The following COL4A5 variants were observed in gnomAD, a reference collection of about 807,000 sequenced individuals.
The protein encoded by COL4A5 is collagen alpha-5(IV) chain.
A neutral mutation model predicts 130.2 loss-of-function variants in COL4A5; 26 were observed. The ratio of observed to expected loss-of-function variants is 0.20; its 90% CI spans 0.15 to 0.28. The LOEUF is 0.28. Ranked by LOEUF, COL4A5 falls within the 10% of genes least tolerant of loss-of-function variation. COL4A5 has a pLI of 1.00. For synonymous variants in COL4A5, 496 were observed against 439.6 expected, an observed-to-expected ratio of 1.13 and a Z score of -1.60; for missense variants, 1,131 against 1,344.3, an observed-to-expected ratio of 0.84 and a Z score of 2.48.
At chrX:108,529,793 C>G (rs1454177473) in intron 1 of COL4A5, among the ~76,000 whole-genome samples, 1 of 107,623 alleles carries the variant, frequency 9.3e-6, no homozygotes, top group East Asian at 2.9e-4. Flanking sequence ...AAGTCAAGAA[C>G]AGTTAAAAAA....
In COL4A5 at chrX:108,696,491, A is replaced by AAT; in HGVS notation, c.*113_*114insAT. On this transcript the variant is annotated 3_prime_UTR_variant, in exon 53 of 53. Transcript: ENST00000328300. ...TACTACTGCTGCCGTCAATGGTGCT[A>AAT]CTATATATGATCAAGATAACATGCT... 5 of 536,155 alleles carry AAT rather than the reference A, an allele frequency of 9.3e-6. No homozygotes were observed. In the South Asian group the frequency reaches 1.5e-4, roughly 16 times the overall value. The allele number at this position is 536,155 out of a possible 1,213,427, so 44.2% of individuals were successfully genotyped here. A position where few individuals can be genotyped will look rare whatever the true frequency, so the allele number is the denominator to read the frequency against.
intron 37 of COL4A5, among the ~76,000 whole-genome samples, chrX:108,661,543 CT>C (rs2067957454): frequency 9.0e-6 from 1 of 111,658 alleles, no homozygotes; most frequent in African/African-American, 3.2e-5. Flanking sequence ...ATCTTTTCAG[CT>C]TATTCCAAAT....
intron 25 of COL4A5, among the ~76,000 whole-genome samples, chrX:108,599,506 A>G (rs140261838): frequency 2.9e-3 from 318 of 109,939 alleles, no homozygotes; most frequent in African/African-American, 0.01. Context: ...TTCTATGGTT[A>G]ATGGTTAATT....
At chrX:108,499,220 C>G (rs189298259) in intron 1 of COL4A5, among the ~76,000 whole-genome samples, 1 of 111,335 alleles carries the variant, frequency 9.0e-6, no homozygotes, top group East Asian at 2.8e-4. Context: ...GAATTTTGTT[C>G]AATGATCATA....
chrX:108,686,207 T>C, intron 48 of COL4A5, 78 bp downstream of exon 48: 1 of 762,098 alleles, frequency 1.3e-6, no homozygotes, highest in Non-Finnish European at 2.0e-6. Flanking sequence ...GGCCTCCACT[T>C]AGAGCTGTGA....
Position 108,475,566 on chromosome X carries a change from A to G in COL4A5, c.81+35360A>G, listed in dbSNP as rs778282833. Among the ~76,000 whole-genome samples, 48 of 111,443 alleles carry G rather than the reference A, an allele frequency of 4.3e-4. 1 individual carries two copies. Among genetic ancestry groups the G allele is most frequent in the Admixed American group, 2.8e-3 (29 of 10,402 alleles). Reference sequence around the variant, plus strand: ...TCAGTCTGTTACCATTAAATGTGATATTATCTCAGTGGTTCTCAATGAGTG... The same window carrying G: ...TCAGTCTGTTACCATTAAATGTGATGTTATCTCAGTGGTTCTCAATGAGTG... On this transcript the variant is annotated intron_variant, in intron 1 of 52. Coordinates refer to ENST00000328300, the MANE Select transcript of COL4A5 (RefSeq NM_033380.3).
rs769995653 is a variant in COL4A5, at chrX:108,571,408, T to C, written c.385-5T>C. 1 of 1,192,502 alleles carries C rather than the reference T, an allele frequency of 8.4e-7. No individual in the cohort carries two copies. Among genetic ancestry groups the C allele is most frequent in the South Asian group, 1.8e-5 (1 of 56,492 alleles). ...TCCATGCTCTTTATTTTTAACTCCTTCTAGGGAGAACGTGGATTTCCAGGC... is the reference window on the plus strand; with the variant it reads ...TCCATGCTCTTTATTTTTAACTCCTCCTAGGGAGAACGTGGATTTCCAGGC... On this transcript the variant is annotated splice_region_variant and splice_polypyrimidine_tract_variant and intron_variant, in intron 6 of 52. Coordinates refer to ENST00000328300, the MANE Select transcript of COL4A5 (RefSeq NM_033380.3).
chrX:108,624,263 G>C lies in COL4A5; in HGVS notation c.2945G>C (p.Gly982Ala). ...ATACCTGGAGTTTCAGGGCCAAAAG[G>C]TTATCAGGGTTTGCCTGGAGACCCA... ...PGIPGVSGPK[G>A]YQGLPGDPGQ... The change falls in exon 34 of 53, where the codon GGT becomes GCT. Residue 982 changes from glycine (G) to alanine (A), a missense_variant. Gly to Ala is a moderately conservative substitution (Grantham distance 60, BLOSUM62 0). Transcript: ENST00000328300. 1 of 1,210,764 alleles carries C rather than the reference G, an allele frequency of 8.3e-7. No homozygotes were observed. Among genetic ancestry groups the C allele is most frequent in the Non-Finnish European group, 1.1e-6 (1 of 894,794 alleles).
chrX:108,526,636 CT>C (rs1320987146), intron 1 of COL4A5, among the ~76,000 whole-genome samples: 128 of 56,405 alleles, frequency 2.3e-3, no homozygotes, highest in African/African-American at 0.011. Context: ...TTCTTTCTTT[CT>C]TTCTTTCTTT....
intron 1 of COL4A5, among the ~76,000 whole-genome samples, chrX:108,481,541 A>G (rs755008817): frequency 2.1e-4 from 23 of 111,919 alleles, no homozygotes; most frequent in African/African-American, 6.5e-4. Context: ...TAGGCTTCCT[A>G]TCAGTTTCGC....
chrX:108,458,556 A>G (rs183377451), intron 1 of COL4A5, among the ~76,000 whole-genome samples: 12 of 111,480 alleles, frequency 1.1e-4, no homozygotes, highest in African/African-American at 3.9e-4. Context: ...TACCTTGGCA[A>G]TTTGTACAAG....
chrX:108,512,425 T>G (rs1000212766), intron 1 of COL4A5, among the ~76,000 whole-genome samples: 1 of 112,593 alleles, frequency 8.9e-6, no homozygotes, highest in Non-Finnish European at 1.9e-5. Context: ...TATGTAAGAC[T>G]TTCACTCAGT....
At chrX:108,543,246 G>A (rs1212649565) in intron 2 of COL4A5, among the ~76,000 whole-genome samples, 2 of 111,490 alleles carry the variant, frequency 1.8e-5, no homozygotes, top group South Asian at 3.8e-4. Flanking sequence ...TTTAGATCTA[G>A]CATTTAAGTC....
intron 36 of COL4A5, among the ~76,000 whole-genome samples, chrX:108,648,976 G>C (rs937367880): frequency 2.7e-5 from 3 of 110,696 alleles, no homozygotes; most frequent in African/African-American, 9.9e-5. Context: ...CAATATGATC[G>C]TTTACCTCAA....
At chrX:108,676,160 C>G (rs1452737135) in intron 43 of COL4A5, among the ~76,000 whole-genome samples, 3 of 111,956 alleles carry the variant, frequency 2.7e-5, no homozygotes, top group Admixed American at 9.5e-5. Flanking sequence ...AACCCTTTGT[C>G]CATAAGAATG....
At chrX:108,620,210 C>A (rs746121814) in intron 30 of COL4A5, 49 bp from the exon 31 acceptor site, 6 of 1,073,769 alleles carry the variant, frequency 5.6e-6, no homozygotes, top group Non-Finnish European at 7.8e-6. Flanking sequence ...CCAGATACAT[C>A]TTTTAAAACT....
chrX:108,601,957 G>T lies in COL4A5; in HGVS notation c.2114G>T (p.Gly705Val). Residue 705 changes from glycine to valine, a missense_variant, in exon 27 of 53, where the codon GGA (glycine) becomes GTA (valine). By Grantham distance (109) the Gly-to-Val change is moderately radical. Coordinates refer to ENST00000328300, the MANE Select transcript of COL4A5 (RefSeq NM_033380.3). The part of the protein sequence containing the change: ...PGSKGEPGIP[G>V]IGLPGPPGPK... Reference sequence around the variant, plus strand: ...AGCAAAGGAGAACCAGGTATCCCTGGAATTGGGCTTCCTGGACCACCTGGT... The same window carrying T: ...AGCAAAGGAGAACCAGGTATCCCTGTAATTGGGCTTCCTGGACCACCTGGT... The T allele has an allele frequency of 8.6e-7, 1 of 1,157,057 alleles. No homozygotes were observed. Among genetic ancestry groups the T allele is most frequent in the East Asian group, 3.1e-5 (1 of 32,253 alleles).
At chrX:108,646,739 T>C (rs974804692) in intron 36 of COL4A5, among the ~76,000 whole-genome samples, 3 of 112,046 alleles carry the variant, frequency 2.7e-5, no homozygotes, top group African/African-American at 9.8e-5. Flanking sequence ...CTTTAATCCA[T>C]CTTGAATTAA....
chrX:108,665,923 G>T (rs943468952), intron 38 of COL4A5, among the ~76,000 whole-genome samples: 2 of 110,873 alleles, frequency 1.8e-5, no homozygotes, highest in African/African-American at 6.6e-5. Flanking sequence ...ATGGGGATGG[G>T]CTCCTGTAAT....
Sources: gnomAD v4.1 joint callset for allele counts (sites outside exome capture counted in the v4.1 genomes callset) on GRCh38, gnomAD v4.1.1 for gene constraint, MANE v1.5 for transcripts, NCBI Gene and HGNC (gene_info 2026-07-23, HGNC 2026-07-21) for gene names.